RANBP6: variants seen among roughly 807,000 people sequenced by gnomAD.
RANBP6 encodes RAN binding protein 6, also known as ran-binding protein 6.
In RANBP6, 10 loss-of-function variants were observed where a neutral mutation model predicts 35.3. The ratio of observed to expected loss-of-function variants is 0.28; its 90% CI spans 0.17 to 0.48. The LOEUF is 0.48. Among genes scored for constraint, RANBP6 ranks in the 20% least tolerant of loss-of-function variants. The probability of loss-of-function intolerance (pLI) is 0.99; values close to 1 mark genes in which losing one functional copy is unlikely to be tolerated. For synonymous variants in RANBP6, 514 were observed against 464.2 expected, an observed-to-expected ratio of 1.11 and a Z score of -1.38; for missense variants, 1,392 against 1,307.7, an observed-to-expected ratio of 1.06 and a Z score of -0.99.
Position 6,015,252 on chromosome 9 carries a change from T to A in RANBP6, c.356A>T (p.Asp119Val). The A allele has an allele frequency of 1.9e-6, 3 of 1,614,206 alleles. No homozygotes were observed. Among genetic ancestry groups the A allele is most frequent in the African/African-American group, 1.3e-5 (1 of 75,062 alleles). ...ATTCCTGGCCAGCACTGCAAAAATA[T>A]CACAAAGTTTTTTCCTCATGCTAGC... ...THASMRKKLCDIFAVLARNLI... is the reference protein window; with the variant it reads ...THASMRKKLCVIFAVLARNLI... Residue 119 changes from aspartate (D) to valine (V), a missense_variant, in exon 1 of 1, where the codon GAT becomes GTT. Transcript: ENST00000259569.
rs1842510020 is a variant in RANBP6 at position 6,013,354 on chromosome 9, G to C, written c.2254C>G (p.Gln752Glu). 1 of 1,614,146 alleles carries C rather than the reference G, an allele frequency of 6.2e-7. No individual in the cohort carries two copies. Among genetic ancestry groups the C allele is most frequent in the Non-Finnish European group, 8.5e-7 (1 of 1,179,990 alleles). Residue 752 changes from glutamine to glutamate, a missense_variant, in exon 1 of 1, where the codon CAG (glutamine) becomes GAG (glutamate). Physicochemically the swap from Gln to Glu is conservative, Grantham distance 29. Coordinates refer to ENST00000259569, the MANE Select transcript of RANBP6 (RefSeq NM_012416.4). The part of the protein sequence containing the change: ...ARIRGPEYLA[Q>E]MWQFICDPLI... ...GGGTCACATATGAATTGCCACATCTGTGCAAGATACTCTGGGCCACGAATT... is the reference window on the plus strand; with the variant it reads ...GGGTCACATATGAATTGCCACATCTCTGCAAGATACTCTGGGCCACGAATT...
chr9:6,013,448 T>C lies in RANBP6; in HGVS notation c.2160A>G (p.Lys720=). Residue 720 remains lysine, a synonymous_variant, in exon 1 of 1, where the codon AAA becomes AAG. Transcript: ENST00000259569. ...QVVKLMVPLL[K]FYFHDNVRVA... ...CTCGAACATTGTCATGGAAATAAAA[T>C]TTCAGTAAAGGAACCATCAGCTTCA... 6.2e-7 allele frequency: 1 copy of C among 1,614,198 alleles called. No individual in the cohort carries two copies. The highest frequency in any genetic ancestry group is 8.5e-7 in the Non-Finnish European group (1 of 1,180,034).
rs763791045 is a variant in RANBP6 at position 6,014,202 on chromosome 9, T to C, written c.1406A>G (p.His469Arg). The change falls in exon 1 of 1, where the codon CAT (histidine) becomes CGT (arginine). Residue 469 changes from histidine to arginine, a missense_variant. Coordinates refer to ENST00000259569, the MANE Select transcript of RANBP6 (RefSeq NM_012416.4). ...AAAAATAATAAGAGCAGAAGCTGCA[T>C]GTGATTGCACACGCTGATTACCTTG... ...ENQGNQRVQS[H>R]AASALIIFIE... The C allele has an allele frequency of 3.1e-6, 5 of 1,613,814 alleles. No homozygotes were observed. The South Asian group carries it at 4.4e-5, about 14-fold the overall frequency.
At position 6,013,835 on chromosome 9, in the gene RANBP6, C is replaced by T. The variant is rs775825826; in HGVS notation, c.1773G>A (p.Leu591=). The T allele has an allele frequency of 1.2e-6, 2 of 1,613,860 alleles. No individual in the cohort carries two copies. Among genetic ancestry groups the T allele is most frequent in the Admixed American group, 3.3e-5 (2 of 60,008 alleles). The change falls in exon 1 of 1, where the codon CTG becomes CTA. Residue 591 remains leucine, a synonymous_variant. Transcript: ENST00000259569. ...FMQDASNVMQ[L]LLKTQSDLNN... Reference sequence around the variant, plus strand: ...TTAAGTCTGATTGTGTCTTCAACAACAGCTGCATCACATTTGATGCATCTT... The same window carrying T: ...TTAAGTCTGATTGTGTCTTCAACAATAGCTGCATCACATTTGATGCATCTT...
rs1170109752 is a variant in RANBP6 at position 6,013,687 on chromosome 9, T to C, written c.1921A>G (p.Thr641Ala). The C allele has an allele frequency of 2.5e-6, 4 of 1,614,154 alleles. No individual in the cohort carries two copies. The Admixed American group carries it at 6.7e-5, about 27-fold the overall frequency. Residue 641 changes from threonine (T) to alanine (A), a missense_variant, in exon 1 of 1, where the codon ACT (threonine) becomes GCT (alanine). Thr to Ala is a moderately conservative substitution (Grantham distance 58). Coordinates refer to ENST00000259569, the MANE Select transcript of RANBP6 (RefSeq NM_012416.4). ...LPLVIEPLIKTASAKPDVALL... is the reference protein window; with the variant it reads ...LPLVIEPLIKAASAKPDVALL... ...GCAACATCAGGTTTAGCTGAAGCAG[T>C]CTTAATAAGAGGCTCGATAACCAGT... is the stretch of plus-strand genomic sequence containing the variant.
Position 6,013,156 on chromosome 9 carries a change from A to G in RANBP6, c.2452T>C (p.Leu818=). The G allele has an allele frequency of 6.2e-7, 1 of 1,614,008 alleles. No homozygotes were observed. Among genetic ancestry groups the G allele is most frequent in the Non-Finnish European group, 8.5e-7 (1 of 1,180,010 alleles). ...TCTTCCTGTCTTTTCACCTGTCTCA[A>G]TTCTTGGTTTTTAAAGTGCCCTTCA... is the stretch of plus-strand genomic sequence containing the variant. ...KLEGHFKNQE[L]RQVKRQEENY... is the part of the protein sequence containing the mutation. Residue 818 remains leucine, a synonymous_variant, in exon 1 of 1, where the codon TTG becomes CTG. Transcript: ENST00000259569.
In RANBP6 at chr9:6,015,276, G is replaced by A. The variant is rs1024063907; in HGVS notation, c.332C>T (p.Ala111Val). The A allele has an allele frequency of 1.2e-6, 2 of 1,614,190 alleles. No homozygotes were observed. The highest frequency in any genetic ancestry group is 1.7e-6 in the Non-Finnish European group (2 of 1,180,032). ...ATCACAAAGTTTTTTCCTCATGCTA[G>A]CATGTGTTTCTAACTTAACAGCCAG... ...LILAVKLETH[A>V]SMRKKLCDIF... The change falls in exon 1 of 1, where the codon GCT becomes GTT. Residue 111 changes from alanine to valine, a missense_variant. Ala to Val is a moderately conservative substitution (Grantham distance 64, BLOSUM62 0). Coordinates refer to ENST00000259569, the MANE Select transcript of RANBP6 (RefSeq NM_012416.4).
chr9:6,015,071 A>T lies in RANBP6; in HGVS notation c.537T>A (p.Asp179Glu), dbSNP rs1842550056. 2 of 1,614,074 alleles carry T rather than the reference A, an allele frequency of 1.2e-6. No individual in the cohort carries two copies. The highest frequency in any genetic ancestry group is 1.7e-6 in the Non-Finnish European group (2 of 1,180,050). Residue 179 changes from aspartate (D) to glutamate (E), a missense_variant, in exon 1 of 1, where the codon GAT (aspartate) becomes GAA (glutamate). Transcript: ENST00000259569. ...IFGTQERHDLDIIKRLLDQCI... is the reference protein window; with the variant it reads ...IFGTQERHDLEIIKRLLDQCI... ...ACTGGTCCAACAACCGTTTGATGAT[A>T]TCCAAATCATGCCGCTCTTGGGTCC...
In RANBP6 at chr9:6,014,039, G is replaced by T; in HGVS notation, c.1569C>A (p.Thr523=). Residue 523 remains threonine, a synonymous_variant, in exon 1 of 1, where the codon ACC becomes ACA. Coordinates refer to ENST00000259569, the MANE Select transcript of RANBP6 (RefSeq NM_012416.4). ...CTATTGTATCTGCAACTGATGCAAT[G>T]GTTGTCACAAGTTGTTCCAAAGCCA... The part of the protein sequence containing the change: ...TKLALEQLVT[T]IASVADTIEE... 6.2e-7 allele frequency: 1 copy of T among 1,613,804 alleles called. No homozygotes were observed. The highest frequency in any genetic ancestry group is 8.5e-7 in the Non-Finnish European group (1 of 1,179,940).
chr9:6,012,184 G>T lies in RANBP6; in HGVS notation c.*106C>A. Reference sequence around the variant, plus strand: ...GAAACATGGAGAAGAACTATAAACTGCTTAGCAGGGAGAAAACAGTTCTCT... The same window carrying T: ...GAAACATGGAGAAGAACTATAAACTTCTTAGCAGGGAGAAAACAGTTCTCT... On this transcript the variant is annotated 3_prime_UTR_variant, in exon 1 of 1. Coordinates refer to ENST00000259569, the MANE Select transcript of RANBP6 (RefSeq NM_012416.4). 1.2e-6 allele frequency: 1 copy of T among 847,332 alleles called. No individual in the cohort carries two copies. Among genetic ancestry groups the T allele is most frequent in the Non-Finnish European group, 1.7e-6 (1 of 575,406 alleles). 52.5% of individuals were successfully genotyped at this position (847,332 alleles called of 1,614,324 possible).
rs2129712185 is a variant in RANBP6 at position 6,014,634 on chromosome 9, T to A, written c.974A>T (p.Asp325Val). The A allele has an allele frequency of 2.5e-6, 4 of 1,614,212 alleles. No individual in the cohort carries two copies. The highest frequency in any genetic ancestry group is 3.4e-6 in the Non-Finnish European group (4 of 1,180,030). The change falls in exon 1 of 1, where the codon GAT becomes GTT. Residue 325 changes from aspartate (D) to valine (V), a missense_variant. Asp to Val is a radical substitution (Grantham distance 152). Coordinates refer to ENST00000259569, the MANE Select transcript of RANBP6 (RefSeq NM_012416.4). ...ATCAGCATTTACCCAGTCCTCATCA[T>A]CTTGTAGATCAACCATCATTGCTAA... ...HILAMMVDLQDDEDWVNADEM... is the reference protein window; with the variant it reads ...HILAMMVDLQVDEDWVNADEM...
chr9:6,014,249 A>C lies in RANBP6; in HGVS notation c.1359T>G (p.Ala453=). Residue 453 remains alanine (A), a synonymous_variant, in exon 1 of 1, where the codon GCT becomes GCG. Coordinates refer to ENST00000259569, the MANE Select transcript of RANBP6 (RefSeq NM_012416.4). ...CTTGATTTTCCATGGTACGTAACAG[A>C]GCTGCAATCACTGTTTCATGAAATT... ...QKKFHETVIA[A]LLRTMENQGN... 1.2e-6 allele frequency: 2 copies of C among 1,614,184 alleles called. No individual in the cohort carries two copies. The highest frequency in any genetic ancestry group is 1.7e-6 in the Non-Finnish European group (2 of 1,180,024).
In RANBP6 at chr9:6,012,855, A is replaced by C. The variant is rs1398947215; in HGVS notation, c.2753T>G (p.Met918Arg). 6.2e-7 allele frequency: 1 copy of C among 1,613,952 alleles called. No individual in the cohort carries two copies. The highest frequency in any genetic ancestry group is 8.5e-7 in the Non-Finnish European group (1 of 1,179,994). Residue 918 changes from methionine (M) to arginine (R), a missense_variant, in exon 1 of 1, where the codon ATG becomes AGG. By Grantham distance (91) the Met-to-Arg change is moderately conservative. Transcript: ENST00000259569. ...FKYVEYFRWPMLLNMRDNNPE... is the reference protein window; with the variant it reads ...FKYVEYFRWPRLLNMRDNNPE... ...GTTGTTATCTCGCATATTTAGTAGC[A>C]TTGGCCACCGAAAATATTCTACATA...
chr9:6,013,718 G>T lies in RANBP6; in HGVS notation c.1890C>A (p.Tyr630Ter), dbSNP rs764052330. Residue 630 changes from tyrosine to a stop codon, truncating the protein, a stop_gained, in exon 1 of 1, where the codon TAC becomes TAA. Coordinates refer to ENST00000259569, the MANE Select transcript of RANBP6 (RefSeq NM_012416.4). LOFTEE classifies it low-confidence loss of function (END_TRUNC). The stretch of plus-strand genomic sequence containing the variant: ...TAAGAGGCTCGATAACCAGTGGAAG[G>T]TACTGTTGAAAATCTTTTCCAAGAA... The part of the protein sequence containing the change: ...CKILGKDFQQ[Y>*]LPLVIEPLIK... 4 of 1,614,036 alleles carry T rather than the reference G, an allele frequency of 2.5e-6. No homozygotes were observed. Among genetic ancestry groups the T allele is most frequent in the South Asian group, 2.2e-5 (2 of 91,058 alleles).
At position 6,013,333 on chromosome 9, in the gene RANBP6, C is replaced by T. The variant is rs1842509693; in HGVS notation, c.2275G>A (p.Asp759Asn). ...GTACCAATAGCCTTGATTAAGGGGT[C>T]ACATATGAATTGCCACATCTGTGCA... ...YLAQMWQFIC[D>N]PLIKAIGTEP... The change falls in exon 1 of 1, where the codon GAC becomes AAC. Residue 759 changes from aspartate to asparagine, a missense_variant. Coordinates refer to ENST00000259569, the MANE Select transcript of RANBP6 (RefSeq NM_012416.4). The T allele has an allele frequency of 6.2e-7, 1 of 1,614,134 alleles. No homozygotes were observed. The highest frequency in any genetic ancestry group is 8.5e-7 in the Non-Finnish European group (1 of 1,180,022).
Position 6,013,328 on chromosome 9 carries a change from G to C in RANBP6, c.2280C>G (p.Pro760=). 6.2e-7 allele frequency: 1 copy of C among 1,614,174 alleles called. No individual in the cohort carries two copies. Residue 760 remains proline (P), a synonymous_variant, in exon 1 of 1, where the codon CCC becomes CCG. Transcript: ENST00000259569. Reference sequence around the variant, plus strand: ...GTTCAGTACCAATAGCCTTGATTAAGGGGTCACATATGAATTGCCACATCT... The same window carrying C: ...GTTCAGTACCAATAGCCTTGATTAACGGGTCACATATGAATTGCCACATCT... ...LAQMWQFICD[P]LIKAIGTEPD...
chr9:6,014,043 G>C lies in RANBP6; in HGVS notation c.1565C>G (p.Thr522Arg). The stretch of plus-strand genomic sequence containing the variant: ...TGTATCTGCAACTGATGCAATGGTT[G>C]TCACAAGTTGTTCCAAAGCCAACTT... ...GTKLALEQLV[T>R]TIASVADTIE... Residue 522 changes from threonine to arginine, a missense_variant, in exon 1 of 1, where the codon ACA becomes AGA. Thr to Arg is a moderately conservative substitution (Grantham distance 71). Coordinates refer to ENST00000259569, the MANE Select transcript of RANBP6 (RefSeq NM_012416.4). 1 of 1,613,750 alleles carries C rather than the reference G, an allele frequency of 6.2e-7. No individual in the cohort carries two copies. The highest frequency in any genetic ancestry group is 8.5e-7 in the Non-Finnish European group (1 of 1,179,924).
rs1256461837 is a variant in RANBP6, at chr9:6,014,431, T to C, written c.1177A>G (p.Ile393Val). The C allele has an allele frequency of 6.2e-7, 1 of 1,614,082 alleles. No individual in the cohort carries two copies. Among genetic ancestry groups the C allele is most frequent in the Non-Finnish European group, 8.5e-7 (1 of 1,180,040 alleles). ...RHAGLMALSA[I>V]GEGCHQQMES... ...ATTTGTTGATGGCATCCTTCTCCAA[T>C]GGCAGATAAGGCCATTAATCCAGCA... is the stretch of plus-strand genomic sequence containing the variant. The change falls in exon 1 of 1, where the codon ATT becomes GTT. Residue 393 changes from isoleucine (I) to valine (V), a missense_variant. Ile to Val is a conservative substitution (Grantham distance 29, BLOSUM62 3). Coordinates refer to ENST00000259569, the MANE Select transcript of RANBP6 (RefSeq NM_012416.4).
In RANBP6 at chr9:6,013,163, G is replaced by C. The variant is rs769906890; in HGVS notation, c.2445C>G (p.Asn815Lys). The C allele has an allele frequency of 3.7e-6, 6 of 1,613,758 alleles. No individual in the cohort carries two copies. The highest frequency in any genetic ancestry group is 1.3e-5 in the African/African-American group (1 of 74,876). Residue 815 changes from asparagine (N) to lysine (K), a missense_variant, in exon 1 of 1, where the codon AAC becomes AAG. Transcript: ENST00000259569. Reference sequence around the variant, plus strand: ...GTCTTTTCACCTGTCTCAATTCTTGGTTTTTAAAGTGCCCTTCAAGTTTTG... The same window carrying C: ...GTCTTTTCACCTGTCTCAATTCTTGCTTTTTAAAGTGCCCTTCAAGTTTTG... ...LKAKLEGHFK[N>K]QELRQVKRQE...
Sources: gnomAD v4.1 joint callset for allele counts on GRCh38, gnomAD v4.1.1 for gene constraint, MANE v1.5 for transcripts, NCBI Gene and HGNC (gene_info 2026-07-23, HGNC 2026-07-21) for gene names.